KAT7: variants seen among roughly 807,000 people sequenced by gnomAD.
KAT7 encodes the protein lysine acetyltransferase 7, also known as histone acetyltransferase KAT7.
Under a neutral mutation model 82.1 loss-of-function variants are expected in KAT7, and 10 were observed. The observed-to-expected ratio is 0.12, with a 90% CI of 0.08 to 0.21. The LOEUF (loss-of-function observed/expected upper bound fraction) is 0.21, where lower values mean the gene tolerates loss of function less well. Ranked by LOEUF, KAT7 falls within the 10% of genes least tolerant of loss-of-function variation. The pLI, the probability that KAT7 is intolerant of heterozygous loss-of-function variation, is 1.00. For missense variants in KAT7, 378 were observed against 760.9 expected, an observed-to-expected ratio of 0.50 and a Z score of 5.92; for synonymous variants, 250 against 262.5, an observed-to-expected ratio of 0.95 and a Z score of 0.46.
At chr17:49,790,402 G>A (rs1349525983) in intron 1 of KAT7, among the ~76,000 whole-genome samples, 1 of 152,100 alleles carries the variant, frequency 6.6e-6, no homozygotes, top group Non-Finnish European at 1.5e-5. Context: ...TCACCATGTT[G>A]GTCAGGGTGG....
chr17:49,828,180 G>A lies in KAT7; in HGVS notation c.*678G>A. The A allele has an allele frequency of 6.6e-6, 1 of 152,254 alleles. No individual in the cohort carries two copies. Among genetic ancestry groups the A allele is most frequent in the Non-Finnish European group, 1.5e-5 (1 of 68,114 alleles). 9.4% of individuals were successfully genotyped at this position (152,254 alleles called of 1,614,324 possible). ...AGAAGAATGAAGGGGTGGTGGTTCT[G>A]GGTTTGATTTGAGTTCACCTGTGGG... On this transcript the variant is annotated 3_prime_UTR_variant, in exon 15 of 15. Coordinates refer to ENST00000259021, the MANE Select transcript of KAT7 (RefSeq NM_007067.5).
At chr17:49,807,353 G>A (rs1229745332) in intron 5 of KAT7, among the ~76,000 whole-genome samples, 3 of 152,184 alleles carry the variant, frequency 2.0e-5, no homozygotes, top group African/African-American at 4.8e-5. Context: ...GATCTGGGAC[G>A]TGAATGATGG....
chr17:49,815,147 T>G (rs2074218706), intron 7 of KAT7: 1 of 152,258 alleles, frequency 6.6e-6, no homozygotes, highest in East Asian at 1.9e-4. Context: ...ACCTGTCTTA[T>G]TCTTGCTTAA....
At chr17:49,821,904 C>A in intron 11 of KAT7, 114 bp downstream of exon 11, 2 of 852,506 alleles carry the variant, frequency 2.3e-6, no homozygotes, top group Non-Finnish European at 3.7e-6. Context: ...AATGATGACA[C>A]CCCTTCCTTA....
At chr17:49,798,278 T>C (rs1448617543) in intron 3 of KAT7, 41 bp from the exon 4 acceptor site, 1 of 1,591,128 alleles carries the variant, frequency 6.3e-7, no homozygotes, top group Non-Finnish European at 8.6e-7. Flanking sequence ...TCTAAATAAA[T>C]GAACTCCACT....
intron 6 of KAT7, among the ~76,000 whole-genome samples, chr17:49,811,229 C>T (rs1235193741): frequency 1.3e-5 from 2 of 151,902 alleles, no homozygotes; most frequent in South Asian, 2.1e-4. Context: ...ACCTCAGCCT[C>T]CCGAGTAGCT....
In KAT7 at chr17:49,797,249, G is replaced by A. The variant is rs557006013; in HGVS notation, c.340+323G>A. The stretch of plus-strand genomic sequence containing the variant: ...AGGCTAATTTTTTGTATTTTTAGTA[G>A]AGACGGGGTTTCACTGTGTTAGTCA... On this transcript the variant is annotated intron_variant, in intron 3 of 14. Transcript: ENST00000259021. Among the ~76,000 whole-genome samples, 3 of 152,120 alleles carry A rather than the reference G, an allele frequency of 2.0e-5. No homozygotes were observed. The South Asian group carries it at 6.2e-4, about 32-fold the overall frequency.
At position 49,821,534 on chromosome 17, in the gene KAT7, T is replaced by G. The variant is rs1330002543; in HGVS notation, c.1245+108T>G. 3 of 1,511,752 alleles carry G rather than the reference T, an allele frequency of 2.0e-6. No individual in the cohort carries two copies. In the East Asian group the frequency reaches 6.8e-5, roughly 34 times the overall value. The allele number at this position is 1,511,752 out of a possible 1,614,324, so 93.6% of individuals were successfully genotyped here. A position where few individuals can be genotyped will look rare whatever the true frequency, so the allele number is the denominator to read the frequency against. On this transcript the variant is annotated intron_variant, in intron 10 of 14. Coordinates refer to ENST00000259021, the MANE Select transcript of KAT7 (RefSeq NM_007067.5). ...CCTTGTGAAGGACATAGAACTCTTC[T>G]CTTGCCAAAATACACAATGTGTTTC...
intron 1 of KAT7, among the ~76,000 whole-genome samples, chr17:49,790,127 A>G (rs537002790): frequency 1.3e-5 from 2 of 152,272 alleles, no homozygotes; most frequent in South Asian, 2.1e-4. Context: ...GCGGCTTTTC[A>G]GGTTGAAAAT....
chr17:49,817,795 T>C (rs1376115537), intron 8 of KAT7, 25 bp from the exon 9 acceptor site: 2 of 1,594,912 alleles, frequency 1.3e-6, no homozygotes, highest in East Asian at 2.2e-5. Context: ...TGATCCTCCT[T>C]TGACTTTTGA....
intron 12 of KAT7, chr17:49,823,517 C>G (rs1052200622): frequency 4.3e-6 from 2 of 463,640 alleles, no homozygotes; most frequent in Non-Finnish European, 3.9e-6. Flanking sequence ...GTAGGAGGTA[C>G]AGAGGATGAT....
intron 4 of KAT7, among the ~76,000 whole-genome samples, chr17:49,800,986 G>A (rs2143878377): frequency 6.6e-6 from 1 of 152,240 alleles, no homozygotes; most frequent in African/African-American, 2.4e-5. Context: ...CAAGTGCTCT[G>A]GGCAAGAGAA....
rs1313840975 is a variant in KAT7 at position 49,788,824 on chromosome 17, A to G, written c.-11A>G. ...GCCCGAATCGGAACCGTCGGGCCGC[A>G]GCCGCCGGCAATGCCGCGAAGGAAG... On this transcript the variant is annotated 5_prime_UTR_variant, in exon 1 of 15. Transcript: ENST00000259021. 4 of 1,584,360 alleles carry G rather than the reference A, an allele frequency of 2.5e-6. No homozygotes were observed. In the African/African-American group the frequency reaches 5.5e-5, roughly 22 times the overall value.
chr17:49,826,823 C>A, intron 14 of KAT7, 24 bp downstream of exon 14: 1 of 1,465,362 alleles, frequency 6.8e-7, no homozygotes, highest in Non-Finnish European at 9.6e-7. Flanking sequence ...CAGGGGCTTG[C>A]TCATTGCTGG....
rs1359876051 is a variant in KAT7, at chr17:49,829,594, A to G, written c.*2092A>G. ...AAATAGCTGCATTTTCATGTAAGAT[A>G]TACCCAGCACAGGAAAAGGGTGGCT... is the stretch of plus-strand genomic sequence containing the variant. On this transcript the variant is annotated 3_prime_UTR_variant, in exon 15 of 15. Transcript: ENST00000259021. 2 of 152,200 alleles carry G rather than the reference A, an allele frequency of 1.3e-5. No individual in the cohort carries two copies. The highest frequency in any genetic ancestry group is 2.9e-5 in the Non-Finnish European group (2 of 68,044). The allele number at this position is 152,200 out of a possible 1,614,324, so 9.4% of individuals were successfully genotyped here.
At chr17:49,798,227 A>G (rs1438073194) in intron 3 of KAT7, 92 bp from the exon 4 acceptor site, 1 of 1,265,564 alleles carries the variant, frequency 7.9e-7, no homozygotes, top group East Asian at 2.4e-5. Flanking sequence ...TAAATCATAG[A>G]AAAAGAACCT....
intron 5 of KAT7, among the ~76,000 whole-genome samples, chr17:49,808,349 G>A (rs571713137): frequency 1.3e-5 from 2 of 149,566 alleles, no homozygotes; most frequent in African/African-American, 4.9e-5. Flanking sequence ...TGAACTCCTG[G>A]CCTCAAGTGA....
At chr17:49,808,090 A>G (rs1468085759) in intron 5 of KAT7, among the ~76,000 whole-genome samples, 3 of 150,686 alleles carry the variant, frequency 2.0e-5, no homozygotes, top group Admixed American at 1.3e-4. Context: ...TACAGAATTA[A>G]GTTTCCCTGG....
chr17:49,821,549 C>A, intron 10 of KAT7, 101 bp from the exon 11 acceptor site: 1 of 1,521,386 alleles, frequency 6.6e-7, no homozygotes, highest in Non-Finnish European at 9.1e-7. Flanking sequence ...CCAAAATACA[C>A]AATGTGTTTC....
Sources: allele counts gnomAD v4.1 joint callset (sites outside exome capture counted in the v4.1 genomes callset), GRCh38; gene constraint gnomAD v4.1.1; transcripts MANE v1.5; gene names NCBI Gene and HGNC (gene_info 2026-07-23, HGNC 2026-07-21).